Variants in AFG2A observed in about 807,000 individuals in gnomAD.
The protein encoded by AFG2A is AAA ATPase AFG2A.
chr4:123,197,535 C>G, the AFG2A span, among the ~76,000 whole-genome samples: 1 of 151,720 alleles, frequency 6.6e-6, no homozygotes, highest in Non-Finnish European at 1.5e-5. Flanking sequence ...TTTGGGAGGC[C>G]GAGATGGGCA....
At chr4:123,070,900 G>C in the AFG2A span, among the ~76,000 whole-genome samples, 1 of 151,978 alleles carries the variant, frequency 6.6e-6, no homozygotes, top group Non-Finnish European at 1.5e-5. Flanking sequence ...GGTTTTCTTT[G>C]GGTTGTTGTT....
chr4:123,302,140 C>T, the AFG2A span, among the ~76,000 whole-genome samples: 1 of 149,338 alleles, frequency 6.7e-6, no homozygotes, highest in African/African-American at 2.4e-5. Context: ...CCGCTTCCTC[C>T]CAAGCTCCCA....
the AFG2A span, among the ~76,000 whole-genome samples, chr4:123,102,839 G>GTGTGTGTGT: frequency 3.6e-5 from 3 of 83,408 alleles, no homozygotes; most frequent in Admixed American, 1.3e-4. Flanking sequence ...TGTGTGTGTG[G>GTGTGTGTGT]TGTCAAAAAA....
the AFG2A span, among the ~76,000 whole-genome samples, chr4:123,207,285 C>CTTTTTTT: frequency 1.8e-5 from 2 of 108,486 alleles, no homozygotes; most frequent in African/African-American, 3.5e-5. Flanking sequence ...GTTGTGTTTC[C>CTTTTTTT]TTTTTTTTTT....
the AFG2A span, among the ~76,000 whole-genome samples, chr4:122,999,184 G>T: frequency 6.8e-6 from 1 of 146,118 alleles, no homozygotes; most frequent in Non-Finnish European, 1.5e-5. Flanking sequence ...ATTTGTTTGA[G>T]TTCATTGTAG....
the AFG2A span, chr4:123,316,434 A>G: frequency 6.6e-6 from 1 of 152,224 alleles, no homozygotes; most frequent in Non-Finnish European, 1.5e-5. Context: ...GCAGATCTGG[A>G]AAACAAGACT....
chr4:123,122,553 A>G, the AFG2A span, among the ~76,000 whole-genome samples: 3 of 152,206 alleles, frequency 2.0e-5, no homozygotes, highest in Non-Finnish European at 2.9e-5. Flanking sequence ...CTTTCACACT[A>G]TCATAAAGCT....
the AFG2A span, among the ~76,000 whole-genome samples, chr4:123,279,158 G>A: frequency 6.6e-6 from 1 of 152,314 alleles, no homozygotes; most frequent in Non-Finnish European, 1.5e-5. Context: ...GCTCATGCCT[G>A]TAATCCCAGC....
At chr4:122,938,313 A>G in the AFG2A span, 3 of 1,363,382 alleles carry the variant, frequency 2.2e-6, no homozygotes, top group African/African-American at 4.5e-5. Flanking sequence ...TGTAGTGGTA[A>G]AAACTATTGA....
At chr4:123,068,010 A>C in the AFG2A span, among the ~76,000 whole-genome samples, 1 of 152,138 alleles carries the variant, frequency 6.6e-6, no homozygotes, top group Admixed American at 6.5e-5. Flanking sequence ...AATAGGAATA[A>C]TTTGGAAAGG....
the AFG2A span, among the ~76,000 whole-genome samples, chr4:123,210,117 A>G: frequency 6.6e-6 from 1 of 152,188 alleles, no homozygotes; most frequent in Non-Finnish European, 1.5e-5. Context: ...TAAAAATTGT[A>G]TATATTTATG....
the AFG2A span, among the ~76,000 whole-genome samples, chr4:123,197,571 C>G: frequency 6.6e-6 from 1 of 151,854 alleles, no homozygotes; most frequent in Non-Finnish European, 1.5e-5. Flanking sequence ...AGTTCGAGAC[C>G]AGCCTGGCCA....
At chr4:122,995,930 C>G in the AFG2A span, among the ~76,000 whole-genome samples, 3 of 152,378 alleles carry the variant, frequency 2.0e-5, no homozygotes, top group East Asian at 5.8e-4. Flanking sequence ...TGTGGTACCA[C>G]ACTTCATCAC....
chr4:122,950,321 C>T, the AFG2A span, among the ~76,000 whole-genome samples: 2 of 150,680 alleles, frequency 1.3e-5, no homozygotes, highest in East Asian at 1.9e-4. Flanking sequence ...TGGTAAAGTA[C>T]GAGCCCTAGT....
chr4:123,243,644 G>A, the AFG2A span, among the ~76,000 whole-genome samples: 6,581 of 152,084 alleles, frequency 0.043, 477 homozygotes, highest in African/African-American at 0.15. Flanking sequence ...CATACCTAAT[G>A]TAAATGATGA....
the AFG2A span, among the ~76,000 whole-genome samples, chr4:123,177,862 ATTTGTGAAGCACTGCCTCCTTGTGTC>A: frequency 6.6e-6 from 1 of 152,088 alleles, no homozygotes; most frequent in Non-Finnish European, 1.5e-5. Flanking sequence ...CAGCTCATGC[ATTTGTGAAGCACTGCCTCCTTGTGTC>A]TTACTGTTCT....
At chr4:122,974,895 C>T in the AFG2A span, among the ~76,000 whole-genome samples, 1 of 152,060 alleles carries the variant, frequency 6.6e-6, no homozygotes, top group Non-Finnish European at 1.5e-5. Flanking sequence ...TTGCCTTGGC[C>T]TCCCAAAGTG....
the AFG2A span, among the ~76,000 whole-genome samples, chr4:122,956,913 G>A: frequency 2.0e-5 from 3 of 152,136 alleles, no homozygotes; most frequent in Non-Finnish European, 4.4e-5. Context: ...TTTCTAATGA[G>A]GCAGGGTGGT....
chr4:122,927,633 G>A, the AFG2A span: 2 of 1,604,502 alleles, frequency 1.2e-6, no homozygotes, highest in South Asian at 1.1e-5. Flanking sequence ...TTCCTTCATA[G>A]TAGATGACAA....
Sources: gnomAD v4.1 joint callset for allele counts (sites outside exome capture counted in the v4.1 genomes callset) on GRCh38, gnomAD v4.1.1 for gene constraint, MANE v1.5 for transcripts, NCBI Gene and HGNC (gene_info 2026-07-23, HGNC 2026-07-21) for gene names.